The following IMPG1 variants were observed in gnomAD, a reference collection of about 807,000 sequenced individuals.
IMPG1 encodes the protein interphotoreceptor matrix proteoglycan 1, also known as interphotoreceptor matrix proteoglycan of 150 kDa.
Under a neutral mutation model 92.0 loss-of-function variants are expected in IMPG1, and 85 were observed. That is an observed-to-expected ratio of 0.92 (90% CI 0.78 to 1.11). IMPG1 has a LOEUF of 1.11. IMPG1 is among the 50% of genes least tolerant of loss of function. The pLI, the probability that IMPG1 is intolerant of heterozygous loss-of-function variation, is 0.00. For missense variants in IMPG1, 1,022 were observed against 956.0 expected (o/e 1.07, Z -0.91); for synonymous variants, 367 against 334.1 (o/e 1.10, Z -1.08).
intron 4 of IMPG1, among the ~76,000 whole-genome samples, chr6:76,029,932 A>T (rs1268420227): frequency 6.6e-6 from 1 of 152,042 alleles, no homozygotes; most frequent in East Asian, 1.9e-4. Flanking sequence ...ACCCCCCGAG[A>T]CATATTTTTG....
chr6:75,939,648 G>A (rs547320961), intron 14 of IMPG1, among the ~76,000 whole-genome samples: 212 of 152,252 alleles, frequency 1.4e-3, no homozygotes, highest in Middle Eastern at 6.8e-3. Flanking sequence ...TTAGTTAAAA[G>A]AACTTGTAAT....
chr6:76,044,011 G>A (rs996028774), intron 1 of IMPG1, among the ~76,000 whole-genome samples: 2 of 152,206 alleles, frequency 1.3e-5, no homozygotes, highest in African/African-American at 2.4e-5. Flanking sequence ...CAGTGCTATC[G>A]GCTTGATCTG....
intron 12 of IMPG1, among the ~76,000 whole-genome samples, chr6:75,973,955 T>C (rs1259312576): frequency 6.6e-6 from 1 of 152,192 alleles, no homozygotes; most frequent in African/African-American, 2.4e-5. Context: ...AAGCCAAATA[T>C]ATTAAAAAAG....
intron 1 of IMPG1, among the ~76,000 whole-genome samples, chr6:76,042,447 G>A (rs1783861891): frequency 6.6e-6 from 1 of 152,044 alleles, no homozygotes; most frequent in Non-Finnish European, 1.5e-5. Flanking sequence ...AGCCTCTCAA[G>A]AGATGTCTCT....
chr6:75,929,490 A>G (rs928831738), intron 15 of IMPG1, among the ~76,000 whole-genome samples: 6 of 144,846 alleles, frequency 4.1e-5, no homozygotes, highest in African/African-American at 7.6e-5. Flanking sequence ...ATAGGTGGGA[A>G]TTGAACAATG....
intron 1 of IMPG1, among the ~76,000 whole-genome samples, chr6:76,050,531 T>C (rs1156266088): frequency 1.3e-5 from 2 of 152,212 alleles, no homozygotes; most frequent in Non-Finnish European, 2.9e-5. Flanking sequence ...TCACTCTAGG[T>C]TGAAGGCTGA....
chr6:76,056,241 C>G (rs956215439), intron 1 of IMPG1, among the ~76,000 whole-genome samples: 3 of 152,014 alleles, frequency 2.0e-5, no homozygotes, highest in African/African-American at 7.2e-5. Flanking sequence ...TTGGCAATCT[C>G]AATACACATA....
intron 1 of IMPG1, among the ~76,000 whole-genome samples, chr6:76,064,159 G>A (rs1784260241): frequency 6.6e-6 from 1 of 151,984 alleles, no homozygotes; most frequent in Non-Finnish European, 1.5e-5. Context: ...CATTCTAGGG[G>A]TAGAATGGAG....
At chr6:76,068,510 CTTTTTTTTTTTT>C (rs1160277573) in intron 1 of IMPG1, among the ~76,000 whole-genome samples, 2 of 110,194 alleles carry the variant, frequency 1.8e-5, no homozygotes, top group Non-Finnish European at 3.6e-5. Flanking sequence ...AATGTCCATA[CTTTTTTTTTTTT>C]TTTTTTTTTG....
Position 75,984,959 on chromosome 6 carries a change from T to C in IMPG1, c.1291+17959A>G, listed in dbSNP as rs542833582. Among the ~76,000 whole-genome samples the C allele has an allele frequency of 3.3e-5, 5 of 152,326 alleles. No individual in the cohort carries two copies. The South Asian group carries it at 8.3e-4, about 25-fold the overall frequency. ...AGAAGCCAAGCCAATGTTGGTGCCA[T>C]GTTTGTACAGCCTGCAGAACGGCAA... is the stretch of plus-strand genomic sequence containing the variant. On this transcript the variant is annotated intron_variant, in intron 12 of 16. Coordinates refer to ENST00000369950, the MANE Select transcript of IMPG1 (RefSeq NM_001563.4).
intron 1 of IMPG1, among the ~76,000 whole-genome samples, chr6:76,059,415 G>A (rs1416470): frequency 0.98 from 149,043 of 152,052 alleles, 73,095 homozygotes; most frequent in East Asian, 1. Context: ...TTTTTTTTAA[G>A]TGAAAAATAG....
At position 76,018,638 on chromosome 6, in the gene IMPG1, G is replaced by C. The variant is rs763676053; in HGVS notation, c.807+80C>G. 8.6e-6 allele frequency: 11 copies of C among 1,282,796 alleles called. 1 individual carries two copies. In the Admixed American group the frequency reaches 2.0e-4, roughly 23 times the overall value. The allele number at this position is 1,282,796 out of a possible 1,614,324, so 79.5% of individuals were successfully genotyped here. ...ATGCCAGGAGAAGCTGGAACTGTTC[G>C]CCGTAAGGGTTTATGTCCTATCGGC... On this transcript the variant is annotated intron_variant, in intron 7 of 16. Transcript: ENST00000369950.
At chr6:76,070,421 A>C (rs1319935399) in intron 1 of IMPG1, among the ~76,000 whole-genome samples, 1 of 152,164 alleles carries the variant, frequency 6.6e-6, no homozygotes, top group Admixed American at 6.6e-5. Flanking sequence ...TTACCTAAGA[A>C]CCAAAAATAG....
chr6:75,982,563 A>ATC (rs1562358332), intron 12 of IMPG1, among the ~76,000 whole-genome samples: 22 of 150,018 alleles, frequency 1.5e-4, no homozygotes, highest in East Asian at 3.9e-4. Flanking sequence ...CTATCTATCT[A>ATC]TATATCTATA....
intron 1 of IMPG1, among the ~76,000 whole-genome samples, chr6:76,059,752 C>A (rs1002053718): frequency 1.3e-5 from 2 of 152,152 alleles, no homozygotes; most frequent in Admixed American, 1.3e-4. Context: ...AGGTTTCCAA[C>A]CATAAATGAA....
intron 12 of IMPG1, among the ~76,000 whole-genome samples, chr6:75,988,327 G>A (rs1239071915): frequency 1.3e-5 from 2 of 152,180 alleles, no homozygotes; most frequent in African/African-American, 4.8e-5. Flanking sequence ...ACTGGTGTGA[G>A]ATGATATCTC....
At chr6:76,014,962 A>G (rs1783258433) in intron 7 of IMPG1, among the ~76,000 whole-genome samples, 1 of 152,216 alleles carries the variant, frequency 6.6e-6, no homozygotes, top group African/African-American at 2.4e-5. Context: ...CTGCTAAATA[A>G]TCTTCTGGGG....
At chr6:76,040,443 G>T (rs1002801230) in intron 2 of IMPG1, among the ~76,000 whole-genome samples, 4 of 152,168 alleles carry the variant, frequency 2.6e-5, no homozygotes, top group Admixed American at 2.6e-4. Flanking sequence ...ATTTACCAGG[G>T]TCATTATCTG....
chr6:75,930,870 A>G (rs1266000520), intron 15 of IMPG1, 83 bp downstream of exon 15: 35 of 1,233,372 alleles, frequency 2.8e-5, no homozygotes, highest in Admixed American at 1.3e-4. Context: ...TGAAAGGACC[A>G]TATGAATTTA....
Sources: allele counts gnomAD v4.1 joint callset (sites outside exome capture counted in the v4.1 genomes callset), GRCh38; gene constraint gnomAD v4.1.1; transcripts MANE v1.5; gene names NCBI Gene and HGNC (gene_info 2026-07-23, HGNC 2026-07-21).